Variants in VIPR2 observed in about 807,000 individuals in gnomAD.
The protein encoded by VIPR2 is vasoactive intestinal peptide receptor 2, also known as vasoactive intestinal polypeptide receptor 2.
Under a neutral mutation model 58.0 loss-of-function variants are expected in VIPR2, and 48 were observed. That is an observed-to-expected ratio of 0.83 (90% CI 0.66 to 1.05). VIPR2 has a LOEUF of 1.05. Ranked by LOEUF, VIPR2 falls within the 50% of genes least tolerant of loss-of-function variation. The pLI, the probability that VIPR2 is intolerant of heterozygous loss-of-function variation, is 0.00. For missense variants in VIPR2, 534 were observed against 558.0 expected, an observed-to-expected ratio of 0.96 and a Z score of 0.43; for synonymous variants, 243 against 235.2, an observed-to-expected ratio of 1.03 and a Z score of -0.30.
chr7:159,105,581 G>T (rs1245759511), intron 3 of VIPR2, among the ~76,000 whole-genome samples: 1 of 152,094 alleles, frequency 6.6e-6, no homozygotes, highest in African/African-American at 2.4e-5. Context: ...TGGGAGACTG[G>T]TCTCAGCAAG....
At chr7:159,100,695 T>G (rs1858150558) in intron 4 of VIPR2, among the ~76,000 whole-genome samples, 1 of 152,256 alleles carries the variant, frequency 6.6e-6, no homozygotes, top group Non-Finnish European at 1.5e-5. Flanking sequence ...TTCCCCTGAC[T>G]GTTCTTGTGG....
intron 4 of VIPR2, among the ~76,000 whole-genome samples, chr7:159,101,869 C>T (rs13308347): frequency 1.6e-5 from 1 of 62,234 alleles, no homozygotes; most frequent in Non-Finnish European, 3.3e-5. Context: ...AGGCGGTTCC[C>T]ACTGTTCCTG....
intron 4 of VIPR2, among the ~76,000 whole-genome samples, chr7:159,067,123 C>T (rs1424537509): frequency 2.0e-5 from 3 of 152,226 alleles, no homozygotes; most frequent in East Asian, 1.9e-4. Flanking sequence ...CTGCCACACT[C>T]GACAAAGCTC....
intron 5 of VIPR2, among the ~76,000 whole-genome samples, chr7:159,058,276 G>A (rs1855437659): frequency 6.6e-6 from 1 of 152,142 alleles, no homozygotes; most frequent in South Asian, 2.1e-4. Context: ...CCTATCCAAG[G>A]TCAGCATTAT....
At chr7:159,101,640 C>T (rs1388516646) in intron 4 of VIPR2, among the ~76,000 whole-genome samples, 20 of 145,458 alleles carry the variant, frequency 1.4e-4, no homozygotes, top group African/African-American at 4.1e-4. Flanking sequence ...TCACGAGATC[C>T]GACGAGGCCG....
At chr7:159,076,671 CTATT>C (rs1266675533) in intron 4 of VIPR2, among the ~76,000 whole-genome samples, 1 of 152,006 alleles carries the variant, frequency 6.6e-6, no homozygotes, top group African/African-American at 2.4e-5. Context: ...TAAAATAGCT[CTATT>C]TAATTGGCTC....
chr7:159,073,974 A>C (rs1856525955), intron 4 of VIPR2, among the ~76,000 whole-genome samples: 1 of 152,186 alleles, frequency 6.6e-6, no homozygotes, highest in Non-Finnish European at 1.5e-5. Flanking sequence ...CCTGACTAGA[A>C]ATTTCTCATT....
intron 4 of VIPR2, among the ~76,000 whole-genome samples, chr7:159,103,104 C>T (rs1858400484): frequency 6.6e-6 from 1 of 152,222 alleles, no homozygotes; most frequent in South Asian, 2.1e-4. Flanking sequence ...GCCACACATC[C>T]CACACTCGGG....
At chr7:159,041,119 G>A (rs545905727) in intron 6 of VIPR2, among the ~76,000 whole-genome samples, 61 of 152,278 alleles carry the variant, frequency 4.0e-4, no homozygotes, top group African/African-American at 1.3e-3. Flanking sequence ...CAGTTTCCTC[G>A]TCTGTGAAAT....
intron 6 of VIPR2, among the ~76,000 whole-genome samples, chr7:159,042,178 T>C (rs575634535): frequency 6.6e-6 from 1 of 152,294 alleles, no homozygotes; most frequent in East Asian, 1.9e-4. Context: ...TGAGCAACTG[T>C]GCCAGCAGAG....
At chr7:159,071,878 T>A (rs59092450) in intron 4 of VIPR2, among the ~76,000 whole-genome samples, 2,305 of 140,888 alleles carry the variant, frequency 0.016, 26 homozygotes, top group African/African-American at 0.052. Flanking sequence ...CTGCAGCACC[T>A]GCTGGATGAA....
At chr7:159,056,926 C>T (rs1382425126) in intron 5 of VIPR2, among the ~76,000 whole-genome samples, 1 of 152,162 alleles carries the variant, frequency 6.6e-6, no homozygotes, top group East Asian at 1.9e-4. Flanking sequence ...GAATGACATC[C>T]AACACAGACA....
chr7:159,032,131 G>C lies in VIPR2; in HGVS notation c.972-64C>G, dbSNP rs1853632857. 3.8e-6 allele frequency: 6 copies of C among 1,597,260 alleles called. No homozygotes were observed. In the Admixed American group the frequency reaches 1.0e-4, roughly 27 times the overall value. On this transcript the variant is annotated intron_variant, in intron 10 of 12. Coordinates refer to ENST00000262178, the MANE Select transcript of VIPR2 (RefSeq NM_003382.5). ...CTCGGACCCTCTGCAAGCCTGGCTG[G>C]GTCCTTCTCAGGAGGGGGCAGCTGG...
chr7:159,106,220 A>G (rs909946809), intron 3 of VIPR2, among the ~76,000 whole-genome samples: 3 of 152,258 alleles, frequency 2.0e-5, no homozygotes, highest in Non-Finnish European at 1.5e-5. Flanking sequence ...AGTGTTTACC[A>G]ATCCAAAGAA....
intron 4 of VIPR2, among the ~76,000 whole-genome samples, chr7:159,084,367 G>C (rs1014397474): frequency 7.9e-5 from 12 of 152,248 alleles, no homozygotes; most frequent in African/African-American, 2.9e-4. Context: ...GGGCACGCTG[G>C]AGGGCAGTGC....
At chr7:159,117,060 C>A in intron 2 of VIPR2, 1 of 467,912 alleles carries the variant, frequency 2.1e-6, no homozygotes, top group Non-Finnish European at 3.8e-6. Flanking sequence ...TTTTGTCCTC[C>A]CAGCAACTCC....
intron 4 of VIPR2, among the ~76,000 whole-genome samples, chr7:159,063,248 G>A (rs1458977910): frequency 6.6e-6 from 1 of 152,252 alleles, no homozygotes; most frequent in South Asian, 2.1e-4. Context: ...GGGGAGACTC[G>A]GGCATGGTGG....
rs558718973 is a variant in VIPR2, at chr7:159,131,027, T to C, written c.151+11419A>G. ...GTCTCCTCTTCCAGACAGAATGCGCTGCCTCCGCCCAGTTCATCTACATGC... is the reference window on the plus strand; with the variant it reads ...GTCTCCTCTTCCAGACAGAATGCGCCGCCTCCGCCCAGTTCATCTACATGC... On this transcript the variant is annotated intron_variant, in intron 2 of 12. Coordinates refer to ENST00000262178, the MANE Select transcript of VIPR2 (RefSeq NM_003382.5). Among the ~76,000 whole-genome samples, 132 of 152,308 alleles carry C rather than the reference T, an allele frequency of 8.7e-4. 1 individual carries two copies. Among genetic ancestry groups the C allele is most frequent in the African/African-American group, 3.1e-3 (129 of 41,566 alleles).
chr7:159,063,551 C>G (rs930725117), intron 4 of VIPR2, among the ~76,000 whole-genome samples: 1 of 151,940 alleles, frequency 6.6e-6, no homozygotes, highest in African/African-American at 2.4e-5. Context: ...CCGGCTCTGG[C>G]TTTGGCCATC....
Sources: gnomAD v4.1 joint callset for allele counts (sites outside exome capture counted in the v4.1 genomes callset) on GRCh38, gnomAD v4.1.1 for gene constraint, MANE v1.5 for transcripts, NCBI Gene and HGNC (gene_info 2026-07-23, HGNC 2026-07-21) for gene names.